Variants in GUCY2C observed in about 807,000 individuals in gnomAD.
GUCY2C encodes guanylate cyclase 2C, also known as guanylyl cyclase C.
A neutral mutation model predicts 131.1 loss-of-function variants in GUCY2C; 118 were observed. The observed-to-expected ratio is 0.90, with a 90% CI of 0.78 to 1.05. GUCY2C has a LOEUF of 1.05. GUCY2C is among the 50% of genes least tolerant of loss of function. The pLI, the probability that GUCY2C is intolerant of heterozygous loss-of-function variation, is 0.00. For missense variants in GUCY2C, 1,161 were observed against 1,304.4 expected (o/e 0.89, Z 1.69); for synonymous variants, 452 against 457.8 (o/e 0.99, Z 0.16).
intron 1 of GUCY2C, among the ~76,000 whole-genome samples, chr12:14,691,159 C>G (rs760591671): frequency 7.2e-4 from 109 of 152,208 alleles, no homozygotes; most frequent in Non-Finnish European, 1.3e-3. Flanking sequence ...AGATGTCTAC[C>G]AACTTTGCTT....
chr12:14,645,436 A>G (rs1947500845), intron 15 of GUCY2C, 121 bp from the exon 16 acceptor site: 2 of 599,720 alleles, frequency 3.3e-6, no homozygotes, highest in African/African-American at 3.7e-5. Flanking sequence ...ACAAATTGGA[A>G]TTCCATTGTC....
chr12:14,686,085 G>T, intron 3 of GUCY2C, 76 bp downstream of exon 3: 2 of 889,186 alleles, frequency 2.2e-6, no homozygotes, highest in South Asian at 2.8e-5. Context: ...GTGTTGGCTT[G>T]ACTAGACTGT....
chr12:14,696,400 G>C lies in GUCY2C; in HGVS notation c.49C>G (p.Pro17Ala), dbSNP rs138766659. The part of the protein sequence containing the change: ...DLALWSLLFQ[P>A]GWLSFSSQVS... ...TGGGAACTAAAGGACAGCCACCCGGGCTGGAAGAGCAGTGACCACAAAGCC... is the reference window on the plus strand; with the variant it reads ...TGGGAACTAAAGGACAGCCACCCGGCCTGGAAGAGCAGTGACCACAAAGCC... Residue 17 changes from proline to alanine, a missense_variant, in exon 1 of 27, where the codon CCC (proline) becomes GCC (alanine). Coordinates refer to ENST00000261170, the MANE Select transcript of GUCY2C (RefSeq NM_004963.4). 1 of 1,613,980 alleles carries C rather than the reference G, an allele frequency of 6.2e-7. No individual in the cohort carries two copies. The highest frequency in any genetic ancestry group is 8.5e-7 in the Non-Finnish European group (1 of 1,180,000).
chr12:14,683,314 A>G, intron 3 of GUCY2C, 57 bp from the exon 4 acceptor site: 1 of 1,026,288 alleles, frequency 9.7e-7, no homozygotes. Context: ...AGTAGCACAA[A>G]TAAGATCCCT....
chr12:14,689,979 T>C (rs983206722), intron 1 of GUCY2C, among the ~76,000 whole-genome samples: 3 of 152,232 alleles, frequency 2.0e-5, no homozygotes, highest in African/African-American at 7.2e-5. Context: ...TGCTGCAGAA[T>C]TCTGTTTTCT....
At chr12:14,664,956 G>C (rs1414978986) in intron 10 of GUCY2C, among the ~76,000 whole-genome samples, 1 of 152,178 alleles carries the variant, frequency 6.6e-6, no homozygotes. Context: ...TCTCACACCT[G>C]TAATCCCAGC....
chr12:14,682,253 G>A (rs1309502081), intron 4 of GUCY2C, among the ~76,000 whole-genome samples: 1 of 152,154 alleles, frequency 6.6e-6, no homozygotes, highest in Non-Finnish European at 1.5e-5. Flanking sequence ...ATCCCCACGT[G>A]TCAAGGGAGA....
intron 10 of GUCY2C, among the ~76,000 whole-genome samples, chr12:14,665,138 C>A (rs535984599): frequency 1.2e-4 from 18 of 151,602 alleles, no homozygotes; most frequent in African/African-American, 4.1e-4. Context: ...ATCTCTTGAA[C>A]CTGGGAGGCG....
intron 21 of GUCY2C, among the ~76,000 whole-genome samples, chr12:14,625,113 C>T (rs1441862933): frequency 6.6e-6 from 1 of 152,130 alleles, no homozygotes; most frequent in African/African-American, 2.4e-5. Flanking sequence ...TGTGTTCCAA[C>T]TCCTTTCCCC....
intron 19 of GUCY2C, among the ~76,000 whole-genome samples, chr12:14,634,476 G>A (rs1947218716): frequency 1.3e-5 from 2 of 152,118 alleles, no homozygotes; most frequent in African/African-American, 4.8e-5. Flanking sequence ...ATCACACAAA[G>A]AGGGAAGAGA....
rs748615290 is a variant in GUCY2C, at chr12:14,621,956, C to T, written c.2601+49G>A. The T allele has an allele frequency of 1.2e-5, 16 of 1,317,944 alleles. 1 individual carries two copies. The highest frequency in any genetic ancestry group is 1.6e-5 in the Non-Finnish European group (15 of 945,770). 81.6% of individuals were successfully genotyped at this position (1,317,944 alleles called of 1,614,324 possible). A position where few individuals can be genotyped will look rare whatever the true frequency, so the allele number is the denominator to read the frequency against. On this transcript the variant is annotated intron_variant, in intron 22 of 26. Transcript: ENST00000261170. ...AAACAACCAATTCAGGCTCTGATGA[C>T]CTTGAGTTGTACAATTAATGGTTTC...
chr12:14,647,315 C>T (rs1024032218), intron 15 of GUCY2C, among the ~76,000 whole-genome samples: 1 of 152,024 alleles, frequency 6.6e-6, no homozygotes, highest in Non-Finnish European at 1.5e-5. Context: ...TATTATTGCT[C>T]ATATATATAT....
At chr12:14,626,199 G>T (rs1286722382) in intron 20 of GUCY2C, among the ~76,000 whole-genome samples, 1 of 151,908 alleles carries the variant, frequency 6.6e-6, no homozygotes, top group Non-Finnish European at 1.5e-5. Flanking sequence ...AATTAGCCGG[G>T]CATGGTGGCA....
Position 14,643,086 on chromosome 12 carries a change from A to T in GUCY2C, c.1930+488T>A, listed in dbSNP as rs191218399. Among the ~76,000 whole-genome samples, 4 of 152,324 alleles carry T rather than the reference A, an allele frequency of 2.6e-5. No individual in the cohort carries two copies. In the East Asian group the frequency reaches 7.7e-4, roughly 29 times the overall value. On this transcript the variant is annotated intron_variant, in intron 17 of 26. Transcript: ENST00000261170. ...TTGACTCTCACCACAATCCTGAAAG[A>T]GGTAAGAATATATTTTACTGGTTAG...
intron 19 of GUCY2C, among the ~76,000 whole-genome samples, chr12:14,632,400 C>A (rs2137002692): frequency 6.6e-6 from 1 of 152,228 alleles, no homozygotes; most frequent in Middle Eastern, 3.4e-3. Context: ...TACTCACTAT[C>A]TTCTTGGATT....
chr12:14,638,927 T>C (rs1260455219), intron 19 of GUCY2C, among the ~76,000 whole-genome samples: 1 of 152,156 alleles, frequency 6.6e-6, no homozygotes, highest in Non-Finnish European at 1.5e-5. Flanking sequence ...CATGACTTGA[T>C]CATTACACAT....
intron 1 of GUCY2C, 88 bp from the exon 2 acceptor site, chr12:14,688,151 G>T: frequency 1.2e-6 from 1 of 837,678 alleles, no homozygotes; most frequent in Non-Finnish European, 2.0e-6. Flanking sequence ...GGGAAAAAAT[G>T]GATATCCATT....
chr12:14,614,651 TTC>T, intron 26 of GUCY2C: 1 of 489,162 alleles, frequency 2.0e-6, no homozygotes. Flanking sequence ...CTAAATACTT[TTC>T]TGTTTCATTG....
intron 19 of GUCY2C, among the ~76,000 whole-genome samples, chr12:14,637,448 A>G (rs959269902): frequency 6.6e-6 from 1 of 152,184 alleles, no homozygotes; most frequent in Non-Finnish European, 1.5e-5. Context: ...CCTAAAATCC[A>G]TACGAAACCA....
Sources: allele counts gnomAD v4.1 joint callset (sites outside exome capture counted in the v4.1 genomes callset), GRCh38; gene constraint gnomAD v4.1.1; transcripts MANE v1.5; gene names NCBI Gene and HGNC (gene_info 2026-07-23, HGNC 2026-07-21).